Variants in TNS1 observed in about 807,000 individuals in gnomAD.
TNS1 encodes tensin 1, also known as tensin-1.
Under a neutral mutation model 168.6 loss-of-function variants are expected in TNS1, and 62 were observed. That is an observed-to-expected ratio of 0.37 (90% confidence interval 0.30 to 0.45). The LOEUF (loss-of-function observed/expected upper bound fraction) is 0.45, where lower values mean the gene tolerates loss of function less well. Among genes scored for constraint, TNS1 ranks in the 20% least tolerant of loss-of-function variants. The probability of loss-of-function intolerance (pLI) is 1.00; values close to 1 mark genes in which losing one functional copy is unlikely to be tolerated. For missense variants in TNS1, 2,240 were observed against 2,339.4 expected (o/e 0.96, Z 0.88); for synonymous variants, 934 against 933.2 (o/e 1.00, Z -0.02).
chr2:217,813,775 T>C lies in TNS1; in HGVS notation c.4771A>G (p.Ile1591Val). Residue 1591 changes from isoleucine to valine, a missense_variant, in exon 26 of 33, where the codon ATC (isoleucine) becomes GTC (valine). Around this residue, in one of 2 missense-constraint regions of TNS1, gnomAD observed 2,131 missense variants for 2,171.2 expected, o/e 0.98. Coordinates refer to ENST00000682258, the MANE Select transcript of TNS1 (RefSeq NM_001387777.1). The surrounding 1 kb of genome is among the most constrained non-coding windows in gnomAD (Gnocchi z 4.0). ...LKDQEPGAFI[I>V]RDSHSFRGAY... Reference sequence around the variant, plus strand: ...CCTCGGAAGGAGTGACTGTCGCGGATGATGAAGGCCCCCGGCTCCTGGTCC... The same window carrying C: ...CCTCGGAAGGAGTGACTGTCGCGGACGATGAAGGCCCCCGGCTCCTGGTCC... 1.2e-6 allele frequency: 2 copies of C among 1,613,826 alleles called. No individual in the cohort carries two copies. The highest frequency in any genetic ancestry group is 1.7e-6 in the Non-Finnish European group (2 of 1,179,842).
intron 16 of TNS1, among the ~76,000 whole-genome samples, chr2:217,882,851 A>G (rs1950810987): frequency 6.6e-6 from 1 of 152,156 alleles, no homozygotes; most frequent in Non-Finnish European, 1.5e-5. Context: ...GATGGAGTAC[A>G]GTGGTGCGAT....
At chr2:217,903,378 G>A (rs566239134) in intron 6 of TNS1, among the ~76,000 whole-genome samples, 13 of 152,220 alleles carry the variant, frequency 8.5e-5, no homozygotes, top group South Asian at 2.1e-4. Context: ...TGCCTACTCC[G>A]CGTGGAGCCC....
intron 3 of TNS1, among the ~76,000 whole-genome samples, chr2:217,957,565 T>C (rs1427123745): frequency 1.3e-5 from 2 of 152,178 alleles, no homozygotes; most frequent in East Asian, 1.9e-4. Flanking sequence ...ATGATTACTA[T>C]GGAAATAGAC....
At chr2:218,001,836 G>A (rs550556790) in intron 1 of TNS1, among the ~76,000 whole-genome samples, 4 of 150,710 alleles carry the variant, frequency 2.7e-5, no homozygotes, top group Non-Finnish European at 5.9e-5. Context: ...GGGCCCTCCC[G>A]AGGACTGGCC....
Position 217,885,152 on chromosome 2 carries a change from G to C in TNS1, c.1129C>G (p.His377Asp), listed in dbSNP as rs1480359970. The C allele has an allele frequency of 1.9e-6, 3 of 1,614,190 alleles. No homozygotes were observed. The change falls in exon 16 of 33, where the codon CAC (histidine) becomes GAC (aspartate). Residue 377 changes from histidine to aspartate, a missense_variant. By Grantham distance (81) the His-to-Asp change is moderately conservative. This residue lies in a region of TNS1 where 2,131 missense variants were observed against 2,171.2 expected (regional missense o/e 0.98). Coordinates refer to ENST00000682258, the MANE Select transcript of TNS1 (RefSeq NM_001387777.1). ...LKGDILLKCYHKKFRSPARDV... is the reference protein window; with the variant it reads ...LKGDILLKCYDKKFRSPARDV... ...CGGGCTGGGCTTCGGAACTTCTTGTGGTAGCACTTCAGCTGGGTGGGAAGA... is the reference window on the plus strand; with the variant it reads ...CGGGCTGGGCTTCGGAACTTCTTGTCGTAGCACTTCAGCTGGGTGGGAAGA...
In TNS1 at chr2:217,813,310, G is replaced by A. The variant is rs974979075; in HGVS notation, c.4862-3C>T. On this transcript the variant is annotated splice_region_variant and splice_polypyrimidine_tract_variant and intron_variant, in intron 26 of 32. Transcript: ENST00000682258. The surrounding 1 kb of genome is among the most constrained non-coding windows in gnomAD (Gnocchi z 4.0). ...GACCAGCTCATGGGTCATGTCTCCTGGGACAAAGAGAAAGAAATAAGGCTC... is the reference window on the plus strand; with the variant it reads ...GACCAGCTCATGGGTCATGTCTCCTAGGACAAAGAGAAAGAAATAAGGCTC... 5 of 1,574,880 alleles carry A rather than the reference G, an allele frequency of 3.2e-6. No homozygotes were observed. The highest frequency in any genetic ancestry group is 3.5e-6 in the Non-Finnish European group (4 of 1,157,528).
intron 19 of TNS1, among the ~76,000 whole-genome samples, chr2:217,840,536 G>A (rs73992638): frequency 4.3e-4 from 65 of 152,358 alleles, no homozygotes; most frequent in African/African-American, 1.5e-3. Flanking sequence ...TCTCAGGCAG[G>A]GCCAGGACCC....
chr2:217,838,116 A>T (rs1205113660), intron 19 of TNS1, among the ~76,000 whole-genome samples: 1 of 152,232 alleles, frequency 6.6e-6, no homozygotes, highest in Non-Finnish European at 1.5e-5. Flanking sequence ...GGTTAAAATA[A>T]ATGCATTAGG....
intron 18 of TNS1, among the ~76,000 whole-genome samples, chr2:217,852,977 T>C (rs1041313086): frequency 6.6e-6 from 1 of 152,246 alleles, no homozygotes; most frequent in Middle Eastern, 3.4e-3. Flanking sequence ...CCAGCCCTGA[T>C]GAGGACTCTG....
At chr2:217,885,655 T>C in intron 15 of TNS1, 89 bp downstream of exon 15, 1 of 1,390,250 alleles carries the variant, frequency 7.2e-7, no homozygotes, top group Non-Finnish European at 1.0e-6. Flanking sequence ...GAGGAGTACC[T>C]GTCTTGTCCC....
chr2:217,841,281 G>C, intron 19 of TNS1: 1 of 985,058 alleles, frequency 1.0e-6, no homozygotes, highest in Non-Finnish European at 1.2e-6. Context: ...GCCTGGCGTT[G>C]TACGCTGCCC....
In TNS1 at chr2:217,897,332, C is replaced by T. The variant is rs150227026; in HGVS notation, c.543+466G>A. Among the ~76,000 whole-genome samples, 10 of 152,336 alleles carry T rather than the reference C, an allele frequency of 6.6e-5. No homozygotes were observed. In the East Asian group the frequency reaches 1.7e-3, roughly 26 times the overall value. ...TAAGACACATGTTGCCAAGACTCTG[C>T]CCTCAGACTTCTCAGAGGCACCGAC... On this transcript the variant is annotated intron_variant, in intron 8 of 32. Transcript: ENST00000682258.
rs188493187 is a variant in TNS1 at position 217,828,394 on chromosome 2, G to A, written c.3373+3061C>T. Among the ~76,000 whole-genome samples, 403 of 152,330 alleles carry A rather than the reference G, an allele frequency of 2.6e-3. 5 individuals are homozygous for A. The highest frequency in any genetic ancestry group is 8.2e-3 in the African/African-American group (342 of 41,578). The stretch of plus-strand genomic sequence containing the variant: ...TTAGGGGGTGGAAAATCAAGGTGGT[G>A]TGGTCAAAGGAAAATGGGAAATAGG... On this transcript the variant is annotated intron_variant, in intron 22 of 32. Transcript: ENST00000682258.
intron 16 of TNS1, 102 bp from the exon 17 acceptor site, chr2:217,882,513 G>A (rs1680393571): frequency 1.6e-6 from 1 of 638,362 alleles, no homozygotes; most frequent in Non-Finnish European, 2.7e-6. Flanking sequence ...ATATGTACAT[G>A]GTTAATAATA....
intron 18 of TNS1, chr2:217,850,457 GA>G: frequency 1.0e-6 from 1 of 985,278 alleles, no homozygotes; most frequent in Non-Finnish European, 1.2e-6. Context: ...TCTCTGGAAG[GA>G]AAAAGTGAGC....
chr2:217,954,383 CTGA>C (rs1442073287), intron 3 of TNS1, among the ~76,000 whole-genome samples: 1 of 152,210 alleles, frequency 6.6e-6, no homozygotes, highest in African/African-American at 2.4e-5. Flanking sequence ...GACCCTAATC[CTGA>C]TGATGATGGT....
At chr2:217,983,147 G>A (rs1958097731) in intron 2 of TNS1, among the ~76,000 whole-genome samples, 1 of 152,106 alleles carries the variant, frequency 6.6e-6, no homozygotes, top group South Asian at 2.1e-4. Context: ...TGAGTGACAG[G>A]GATGCTCACT....
intron 3 of TNS1, among the ~76,000 whole-genome samples, chr2:217,934,447 C>T (rs1956494744): frequency 6.6e-6 from 1 of 152,182 alleles, no homozygotes; most frequent in African/African-American, 2.4e-5. Context: ...CTAGGAGCCA[C>T]CTACCCAGTG....
chr2:218,031,281 GTA>G (rs201413924), intron 1 of TNS1, among the ~76,000 whole-genome samples: 2,204 of 126,270 alleles, frequency 0.017, 54 homozygotes, highest in Non-Finnish European at 0.024. Context: ...GTGTGAGCGT[GTA>G]TGAGTGTGTG....
Sources: allele counts gnomAD v4.1 joint callset (sites outside exome capture counted in the v4.1 genomes callset), GRCh38; gene constraint gnomAD v4.1.1; regional missense constraint gnomAD v4.1.1; non-coding constraint Gnocchi (gnomAD v3.1); transcripts MANE v1.5; gene names NCBI Gene and HGNC (gene_info 2026-07-23, HGNC 2026-07-21).